The following NUP210L variants were observed in gnomAD, a reference collection of about 807,000 sequenced individuals.
NUP210L encodes nucleoporin 210 like.
In NUP210L, 74 loss-of-function variants were observed where a neutral mutation model predicts 208.5. The observed-to-expected ratio is 0.35, with a 90% confidence interval of 0.29 to 0.43. NUP210L has a LOEUF of 0.43. NUP210L is among the 20% of genes least tolerant of loss of function. The probability of loss-of-function intolerance (pLI) is 1.00; values close to 1 mark genes in which losing one functional copy is unlikely to be tolerated. For missense variants in NUP210L, 1,843 were observed against 2,289.4 expected (o/e 0.81, Z 3.98); for synonymous variants, 780 against 816.9 (o/e 0.95, Z 0.77).
At chr1:154,150,791 T>TA (rs1659345960) in intron 2 of NUP210L, among the ~76,000 whole-genome samples, 1 of 151,448 alleles carries the variant, frequency 6.6e-6, no homozygotes, top group Admixed American at 6.6e-5. Context: ...TTTACCTTTA[T>TA]ATATGCCTTA....
intron 36 of NUP210L, among the ~76,000 whole-genome samples, 177 bp from the exon 37 acceptor site, chr1:154,001,237 A>G (rs745395242): frequency 1.4e-4 from 21 of 152,096 alleles, no homozygotes; most frequent in Non-Finnish European, 5.9e-5. Context: ...TCGCTCTGTC[A>G]CCCAGGCTGG....
intron 23 of NUP210L, among the ~76,000 whole-genome samples, chr1:154,055,332 C>T (rs1441714426): frequency 2.0e-5 from 3 of 151,878 alleles, no homozygotes; most frequent in Non-Finnish European, 4.4e-5. Flanking sequence ...CTCACTGCAA[C>T]CTCCGCCTCC....
chr1:153,993,122 A>G, intron 38 of NUP210L, 33 bp from the exon 39 acceptor site: 1 of 1,542,016 alleles, frequency 6.5e-7, no homozygotes, highest in Non-Finnish European at 8.9e-7. Flanking sequence ...CACAAGGCAT[A>G]TCTGAGGAAG....
chr1:154,057,690 ATGTGTGTGTG>A lies in NUP210L; in HGVS notation c.3107+389_3107+398del, dbSNP rs4060104. ...CAAACAAGGCATCTGAGGACCTCGA[ATGTGTGTGTG>A]TGTGTGTGTGTGTGTGTGTGTGTGT... is the stretch of plus-strand genomic sequence containing the variant. On this transcript the variant is annotated intron_variant, in intron 22 of 39. Coordinates refer to ENST00000368559, the Ensembl canonical transcript of NUP210L. Among the ~76,000 whole-genome samples the A allele has an allele frequency of 3.2e-3, 400 of 125,476 alleles. 1 individual carries two copies. Among genetic ancestry groups the A allele is most frequent in the African/African-American group, 9.7e-3 (329 of 33,868 alleles). 82.3% of individuals were successfully genotyped at this position (125,476 alleles called of 152,430 possible).
intron 2 of NUP210L, among the ~76,000 whole-genome samples, chr1:154,147,266 T>C (rs192186775): frequency 6.0e-4 from 92 of 152,258 alleles, no homozygotes; most frequent in South Asian, 2.1e-3. Context: ...GTGGGTTTTT[T>C]CCCTGAAAAT....
intron 35 of NUP210L, among the ~76,000 whole-genome samples, chr1:154,006,966 A>ATATT (rs1211789619): frequency 8.6e-6 from 1 of 115,784 alleles, no homozygotes; most frequent in African/African-American, 3.3e-5. Flanking sequence ...ATATATATAT[A>ATATT]TTTTTTTTTT....
At chr1:154,089,192 A>G (rs1655774991) in intron 16 of NUP210L, among the ~76,000 whole-genome samples, 1 of 152,140 alleles carries the variant, frequency 6.6e-6, no homozygotes, top group Non-Finnish European at 1.5e-5. Context: ...AGTTCATTCA[A>G]TGTTGATAAG....
intron 32 of NUP210L, among the ~76,000 whole-genome samples, chr1:154,021,687 C>T (rs1298633318): frequency 2.6e-5 from 4 of 152,206 alleles, no homozygotes; most frequent in Non-Finnish European, 4.4e-5. Flanking sequence ...AGTAATTACC[C>T]TCCTTCAAAA....
intron 2 of NUP210L, among the ~76,000 whole-genome samples, chr1:154,145,546 T>G (rs1659075913): frequency 6.6e-6 from 1 of 152,210 alleles, no homozygotes; most frequent in Non-Finnish European, 1.5e-5. Flanking sequence ...GCATGCTTCC[T>G]TTCAACAGAA....
chr1:153,994,903 T>G (rs537268885), intron 38 of NUP210L, among the ~76,000 whole-genome samples, 173 bp downstream of exon 38: 4 of 150,968 alleles, frequency 2.6e-5, no homozygotes, highest in African/African-American at 9.7e-5. Context: ...TCCCAGCTAC[T>G]CGGGAGGCTG....
At chr1:154,010,148 C>G (rs756515082) in intron 34 of NUP210L, 27 bp from the exon 35 acceptor site, 1 of 1,590,814 alleles carries the variant, frequency 6.3e-7, no homozygotes, top group South Asian at 1.2e-5. Flanking sequence ...AGGTAAATAG[C>G]TTTGTCACTA....
At chr1:154,060,185 G>A (rs1210360813) in intron 20 of NUP210L, among the ~76,000 whole-genome samples, 1 of 152,138 alleles carries the variant, frequency 6.6e-6, no homozygotes, top group Non-Finnish European at 1.5e-5. Flanking sequence ...GTTGCAGTGA[G>A]CCGAGATCGC....
intron 16 of NUP210L, among the ~76,000 whole-genome samples, chr1:154,071,625 T>TA (rs1333829372): frequency 1.4e-5 from 2 of 144,204 alleles, no homozygotes; most frequent in East Asian, 4.2e-4. Context: ...ATCAATTCAT[T>TA]CCTTTTTTTT....
At chr1:154,060,470 A>T (rs1272609766) in intron 20 of NUP210L, 70 bp downstream of exon 20, 1 of 940,874 alleles carries the variant, frequency 1.1e-6, no homozygotes, top group Admixed American at 2.4e-5. Context: ...CACAAAATGG[A>T]ATTTTTCCAA....
intron 33 of NUP210L, among the ~76,000 whole-genome samples, chr1:154,015,948 AT>A (rs1411361441): frequency 1.3e-4 from 19 of 149,622 alleles, no homozygotes; most frequent in South Asian, 4.2e-4. Flanking sequence ...AAATAAATAA[AT>A]AAATAAAAAT....
chr1:154,126,567 A>G (rs1349977691), intron 9 of NUP210L, 104 bp from the exon 10 acceptor site: 1 of 976,800 alleles, frequency 1.0e-6, no homozygotes, highest in Admixed American at 2.8e-5. Context: ...CATTCATGGA[A>G]TAAAGAGATA....
intron 27 of NUP210L, among the ~76,000 whole-genome samples, chr1:154,043,816 G>T (rs915814300): frequency 2.0e-5 from 3 of 151,188 alleles, no homozygotes; most frequent in Non-Finnish European, 4.4e-5. Flanking sequence ...TAGTAGAGAC[G>T]GGGTTACACC....
chr1:154,155,097 A>C, exon 1 of NUP210L: 72 of 1,319,992 alleles, frequency 5.5e-5, no homozygotes, highest in Non-Finnish European at 6.8e-5. Context: ...TCACAGCTCC[A>C]TCAGCCAATC....
rs371915325 is a variant in NUP210L at position 154,010,170 on chromosome 1, TAA to T, written c.4781-51_4781-50del. 241 of 1,571,740 alleles carry T rather than the reference TAA, an allele frequency of 1.5e-4. 1 individual carries two copies. In the African/African-American group the frequency reaches 2.9e-3, roughly 19 times the overall value. ...TAGCTTTGTCACTAACAAGAATTTGTAAAAAGAGAGACCATTATATGGAGGCA... is the reference window on the plus strand; with the variant it reads ...TAGCTTTGTCACTAACAAGAATTTGTAAAGAGAGACCATTATATGGAGGCA... On this transcript the variant is annotated intron_variant, in intron 34 of 39. Coordinates refer to ENST00000368559, the Ensembl canonical transcript of NUP210L.
Sources: gnomAD v4.1 joint callset for allele counts (sites outside exome capture counted in the v4.1 genomes callset) on GRCh38, gnomAD v4.1.1 for gene constraint, MANE v1.5 for transcripts, NCBI Gene and HGNC (gene_info 2026-07-23, HGNC 2026-07-21) for gene names.